SYT16: variants seen among roughly 807,000 people sequenced by gnomAD.
SYT16 encodes synaptotagmin 16.
SYT16 carries 42 observed loss-of-function variants against 61.4 expected under a neutral mutation model. The observed-to-expected ratio is 0.68, with a 90% CI of 0.53 to 0.89. SYT16 has a LOEUF of 0.89. Among genes scored for constraint, SYT16 ranks in the 40% least tolerant of loss-of-function variants. The pLI is 0.00. For missense variants in SYT16, 804 were observed against 807.3 expected (o/e 1.00, Z 0.05); for synonymous variants, 314 against 302.3 (o/e 1.04, Z -0.40).
upstream of SYT16, chr14:61,812,600 G>C (rs2045301192): frequency 6.7e-6 from 1 of 149,112 alleles, no homozygotes; most frequent in Non-Finnish European, 1.5e-5. Flanking sequence ...TCAGGACGCC[G>C]GCGGCGGCCG....
At chr14:61,996,932 C>T (rs561702882) in intron 3 of SYT16, among the ~76,000 whole-genome samples, 4 of 152,066 alleles carry the variant, frequency 2.6e-5, no homozygotes, top group African/African-American at 7.2e-5. Flanking sequence ...TGCAAAAAGC[C>T]GTACTTATCG....
At position 61,936,281 on chromosome 14, in the gene SYT16, T is replaced by A. The variant is rs1460695905; in HGVS notation, c.-324-33851T>A. 2.0e-5 allele frequency among the ~76,000 whole-genome samples: 3 copies of A among 152,160 alleles called. No individual in the cohort carries two copies. In the East Asian group the frequency reaches 5.8e-4, roughly 29 times the overall value. ...GGAAGTTTTAGGGTTTCCATAGCAA[T>A]GCATGAGGAGTCATCATTTTCTGCC... On this transcript the variant is annotated intron_variant, in intron 1 of 7. Transcript: ENST00000683842.
chr14:62,101,941 T>C lies in SYT16; in HGVS notation c.*1234T>C, dbSNP rs952548115. 1 of 152,238 alleles carries C rather than the reference T, an allele frequency of 6.6e-6. No individual in the cohort carries two copies. The highest frequency in any genetic ancestry group is 1.5e-5 in the Non-Finnish European group (1 of 68,038). 9.4% of individuals were successfully genotyped at this position (152,238 alleles called of 1,614,324 possible). A position where few individuals can be genotyped will look rare whatever the true frequency, so the allele number is the denominator to read the frequency against. On this transcript the variant is annotated 3_prime_UTR_variant, in exon 8 of 8. Coordinates refer to ENST00000683842, the MANE Select transcript of SYT16 (RefSeq NM_001367656.1). ...CTTATGACTTAATTTTACATATTTA[T>C]GCAGTGCATGTTTACTTTCCTTATT...
chr14:62,007,591 G>T (rs773355377), intron 3 of SYT16, among the ~76,000 whole-genome samples: 1 of 152,066 alleles, frequency 6.6e-6, no homozygotes, highest in East Asian at 1.9e-4. Flanking sequence ...GTATTTTGCA[G>T]TTTTGTGTCA....
chr14:61,910,507 G>A (rs1486496268), intron 1 of SYT16, among the ~76,000 whole-genome samples: 1 of 146,368 alleles, frequency 6.8e-6, no homozygotes, highest in African/African-American at 2.5e-5. Flanking sequence ...CCAAAGCACT[G>A]AGCCGCCGCA....
chr14:62,046,255 G>T (rs1225678595), intron 3 of SYT16, among the ~76,000 whole-genome samples: 1 of 152,166 alleles, frequency 6.6e-6, no homozygotes, highest in East Asian at 1.9e-4. Context: ...GTCTTCTTTT[G>T]AGAAGTGTCT....
At chr14:61,818,548 C>G (rs183677729) in intron 1 of SYT16, among the ~76,000 whole-genome samples, 23 of 151,966 alleles carry the variant, frequency 1.5e-4, no homozygotes, top group Admixed American at 1.4e-3. Context: ...CGTGGTGGCA[C>G]TCATCTGTAA....
At chr14:61,942,261 G>T (rs1294392940) in intron 1 of SYT16, among the ~76,000 whole-genome samples, 1 of 152,066 alleles carries the variant, frequency 6.6e-6, no homozygotes, top group South Asian at 2.1e-4. Context: ...GTTTTGTGTG[G>T]AATAAATTTC....
chr14:62,036,609 C>T (rs952211084), intron 3 of SYT16, among the ~76,000 whole-genome samples: 1 of 152,100 alleles, frequency 6.6e-6, no homozygotes, highest in East Asian at 1.9e-4. Context: ...CTAGGGAGGC[C>T]TCATGATCAT....
intron 3 of SYT16, among the ~76,000 whole-genome samples, chr14:62,061,347 A>T (rs551006703): frequency 4.7e-4 from 71 of 152,264 alleles, no homozygotes; most frequent in Admixed American, 1.3e-3. Context: ...AGATGAAAAA[A>T]CAGATGCAAC....
chr14:61,855,531 T>C (rs1169124949), intron 1 of SYT16, among the ~76,000 whole-genome samples: 1 of 152,216 alleles, frequency 6.6e-6, no homozygotes, highest in African/African-American at 2.4e-5. Context: ...TCATGTAATA[T>C]ATTGAATACT....
At chr14:62,007,912 T>G (rs534386826) in intron 3 of SYT16, among the ~76,000 whole-genome samples, 26 of 142,988 alleles carry the variant, frequency 1.8e-4, no homozygotes, top group Non-Finnish European at 3.4e-4. Flanking sequence ...ACTTGATAAT[T>G]TTTTTTTAAA....
At chr14:62,033,334 A>G (rs2054379276) in intron 3 of SYT16, among the ~76,000 whole-genome samples, 1 of 152,104 alleles carries the variant, frequency 6.6e-6, no homozygotes, top group Non-Finnish European at 1.5e-5. Flanking sequence ...AAGTGTATAA[A>G]TCTTGGTTAT....
At chr14:61,861,369 A>G (rs559821373) in intron 1 of SYT16, among the ~76,000 whole-genome samples, 27 of 152,222 alleles carry the variant, frequency 1.8e-4, no homozygotes, top group Non-Finnish European at 3.5e-4. Context: ...CTGTGGTAGT[A>G]TCTGGATGGT....
chr14:62,048,251 A>T (rs552623496), intron 3 of SYT16, among the ~76,000 whole-genome samples: 2 of 152,228 alleles, frequency 1.3e-5, no homozygotes, highest in African/African-American at 4.8e-5. Context: ...TAGATTTTCT[A>T]GTTTATTTGC....
chr14:62,070,173 T>G (rs952035849), intron 4 of SYT16, among the ~76,000 whole-genome samples: 3 of 152,376 alleles, frequency 2.0e-5, no homozygotes, highest in Admixed American at 1.3e-4. Flanking sequence ...CCACTGACAT[T>G]GAGAGTCTGT....
chr14:62,018,300 T>TCTTC (rs201841033), intron 3 of SYT16, among the ~76,000 whole-genome samples: 6 of 26,322 alleles, frequency 2.3e-4, no homozygotes, highest in African/African-American at 6.1e-4. Context: ...TTCTTCTTCT[T>TCTTC]TTTTTTTTTT....
intron 3 of SYT16, among the ~76,000 whole-genome samples, chr14:62,064,279 T>C (rs2055957787): frequency 7.2e-6 from 1 of 139,314 alleles, no homozygotes; most frequent in South Asian, 2.2e-4. Context: ...CATAGATACA[T>C]TGAAAGGCAA....
At chr14:62,057,821 A>T (rs2055632859) in intron 3 of SYT16, among the ~76,000 whole-genome samples, 2 of 152,206 alleles carry the variant, frequency 1.3e-5, no homozygotes, top group Non-Finnish European at 2.9e-5. Flanking sequence ...ACATACATAA[A>T]GTATACAAGT....
Sources: gnomAD v4.1 joint callset for allele counts (sites outside exome capture counted in the v4.1 genomes callset) on GRCh38, gnomAD v4.1.1 for gene constraint, MANE v1.5 for transcripts, NCBI Gene and HGNC (gene_info 2026-07-23, HGNC 2026-07-21) for gene names.